Variants in ENPP6 observed in about 807,000 individuals in gnomAD.
The protein encoded by ENPP6 is glycerophosphocholine cholinephosphodiesterase ENPP6.
ENPP6 carries 32 observed loss-of-function variants against 42.0 expected under a neutral mutation model. That is an observed-to-expected ratio of 0.76 (90% CI 0.58 to 1.02). ENPP6 has a LOEUF of 1.02. Ranked by LOEUF, ENPP6 falls within the 50% of genes least tolerant of loss-of-function variation. The pLI, the probability that ENPP6 is intolerant of heterozygous loss-of-function variation, is 0.00. For synonymous variants in ENPP6, 213 were observed against 216.0 expected (o/e 0.99, Z 0.12); for missense variants, 552 against 566.8 (o/e 0.97, Z 0.27).
chr4:184,131,165 CTTTCTT>C (rs1442500753), intron 2 of ENPP6, among the ~76,000 whole-genome samples: 3 of 55,466 alleles, frequency 5.4e-5, no homozygotes, highest in African/African-American at 2.5e-4. Flanking sequence ...TTCTTTCTTT[CTTTCTT>C]TCTTTCTTTC....
chr4:184,205,168 A>G (rs1173402093), intron 1 of ENPP6, among the ~76,000 whole-genome samples: 1 of 152,112 alleles, frequency 6.6e-6, no homozygotes, highest in African/African-American at 2.4e-5. Context: ...CCTGACCTCA[A>G]ATGATCCACC....
intron 2 of ENPP6, among the ~76,000 whole-genome samples, chr4:184,145,221 G>C (rs1212357001): frequency 6.6e-6 from 1 of 152,230 alleles, no homozygotes; most frequent in East Asian, 1.9e-4. Flanking sequence ...GGGAACGTCA[G>C]TCCTTCCCGA....
chr4:184,120,873 G>A (rs1736404356), intron 3 of ENPP6, among the ~76,000 whole-genome samples: 1 of 152,168 alleles, frequency 6.6e-6, no homozygotes, highest in Non-Finnish European at 1.5e-5. Context: ...GGTGTGAGCT[G>A]GCAGAGATCA....
chr4:184,174,855 C>T (rs1357687952), intron 1 of ENPP6, among the ~76,000 whole-genome samples: 1 of 152,192 alleles, frequency 6.6e-6, no homozygotes, highest in Non-Finnish European at 1.5e-5. Flanking sequence ...TTGGGGACTC[C>T]CAGTTTCTTT....
intron 6 of ENPP6, among the ~76,000 whole-genome samples, chr4:184,111,709 G>T (rs1236587832): frequency 6.6e-6 from 1 of 152,186 alleles, no homozygotes; most frequent in Non-Finnish European, 1.5e-5. Context: ...CTGTCTGAGA[G>T]CACCCAGAAG....
intron 6 of ENPP6, among the ~76,000 whole-genome samples, chr4:184,103,172 G>T (rs1305156147): frequency 2.6e-5 from 4 of 152,256 alleles, no homozygotes; most frequent in Non-Finnish European, 5.9e-5. Context: ...CCCTCCAGCT[G>T]CTCCAACAGG....
At chr4:184,201,819 A>G (rs756198596) in intron 1 of ENPP6, among the ~76,000 whole-genome samples, 5 of 152,008 alleles carry the variant, frequency 3.3e-5, no homozygotes, top group Non-Finnish European at 7.3e-5. Flanking sequence ...CTCGCCTACC[A>G]TGCCTGCTTC....
At chr4:184,110,243 T>G (rs1304900459) in intron 6 of ENPP6, among the ~76,000 whole-genome samples, 1 of 152,174 alleles carries the variant, frequency 6.6e-6, no homozygotes, top group Non-Finnish European at 1.5e-5. Context: ...ACTTTTGTCC[T>G]GTGATTGGGA....
At chr4:184,163,801 T>A (rs1195755790) in intron 1 of ENPP6, among the ~76,000 whole-genome samples, 1 of 152,188 alleles carries the variant, frequency 6.6e-6, no homozygotes, top group East Asian at 1.9e-4. Flanking sequence ...CTACCAGAGA[T>A]CAAAACAGCT....
chr4:184,100,810 G>A (rs891747872), intron 6 of ENPP6, among the ~76,000 whole-genome samples: 2 of 152,234 alleles, frequency 1.3e-5, no homozygotes, highest in African/African-American at 4.8e-5. Flanking sequence ...ATGATTTCAG[G>A]GCCGGTTTAT....
Position 184,156,618 on chromosome 4 carries a change from C to T in ENPP6, c.242-2885G>A, listed in dbSNP as rs542995852. On this transcript the variant is annotated intron_variant, in intron 1 of 7. Transcript: ENST00000296741. ...ACTTTCCTGACATCCTCCAACACCACAATTGCAAGTGGTTTTCAGGTATGA... is the reference window on the plus strand; with the variant it reads ...ACTTTCCTGACATCCTCCAACACCATAATTGCAAGTGGTTTTCAGGTATGA... Among the ~76,000 whole-genome samples the T allele has an allele frequency of 3.9e-5, 6 of 152,314 alleles. No homozygotes were observed. The South Asian group carries it at 8.3e-4, about 21-fold the overall frequency.
At chr4:184,165,192 T>C (rs1404953786) in intron 1 of ENPP6, among the ~76,000 whole-genome samples, 1 of 152,158 alleles carries the variant, frequency 6.6e-6, no homozygotes, top group Admixed American at 6.5e-5. Flanking sequence ...TACTGATCAG[T>C]TTAATTATAA....
At chr4:184,114,976 G>A (rs1442690263) in intron 5 of ENPP6, among the ~76,000 whole-genome samples, 1 of 152,058 alleles carries the variant, frequency 6.6e-6, no homozygotes, top group African/African-American at 2.4e-5. Context: ...TGGCATTCTG[G>A]GCATCTGTGT....
chr4:184,124,112 T>G, intron 3 of ENPP6, 49 bp downstream of exon 3: 2 of 1,428,868 alleles, frequency 1.4e-6, no homozygotes, highest in Non-Finnish European at 2.0e-6. Flanking sequence ...CCATGATCAG[T>G]CCTGGAAACA....
chr4:184,091,090 A>G lies in ENPP6; in HGVS notation c.*87T>C, dbSNP rs1471383859. On this transcript the variant is annotated 3_prime_UTR_variant, in exon 8 of 8. Transcript: ENST00000296741. Reference sequence around the variant, plus strand: ...TGGTCTTGATTGTGTTAATGAAGCTATTATTCACACATAAAATGAAAATCA... The same window carrying G: ...TGGTCTTGATTGTGTTAATGAAGCTGTTATTCACACATAAAATGAAAATCA... 2.4e-6 allele frequency: 3 copies of G among 1,228,170 alleles called. No homozygotes were observed. The highest frequency in any genetic ancestry group is 4.8e-5 in the East Asian group (2 of 41,344). The allele number at this position is 1,228,170 out of a possible 1,614,324, so 76.1% of individuals were successfully genotyped here.
chr4:184,094,892 C>T (rs1472009150), intron 7 of ENPP6, among the ~76,000 whole-genome samples: 1 of 152,238 alleles, frequency 6.6e-6, no homozygotes, highest in Non-Finnish European at 1.5e-5. Flanking sequence ...TTTCTCTTTG[C>T]TGGACCAGAC....
At chr4:184,097,510 G>A (rs1690443078) in intron 6 of ENPP6, 142 bp from the exon 7 acceptor site, 20 of 1,217,566 alleles carry the variant, frequency 1.6e-5, no homozygotes, top group Non-Finnish European at 2.3e-5. Flanking sequence ...CCTCCGCTGC[G>A]GCACTTCCTG....
chr4:184,111,655 C>T (rs1417598118), intron 6 of ENPP6, among the ~76,000 whole-genome samples: 2 of 152,248 alleles, frequency 1.3e-5, no homozygotes, highest in African/African-American at 4.8e-5. Flanking sequence ...CACCCCTAAC[C>T]GAATCTGCTC....
rs796705919 is a variant in ENPP6, at chr4:184,089,339, G to A, written c.*1838C>T. 9.2e-5 allele frequency: 14 copies of A among 152,304 alleles called. No individual in the cohort carries two copies. Among genetic ancestry groups the A allele is most frequent in the African/African-American group, 3.1e-4 (13 of 41,566 alleles). 9.4% of individuals were successfully genotyped at this position (152,304 alleles called of 1,614,324 possible). The stretch of plus-strand genomic sequence containing the variant: ...CCAGCTTTCCTGAATCAAGGTGAAC[G>A]TTGATATTCAGTTTTCAAGGTAACA... On this transcript the variant is annotated 3_prime_UTR_variant, in exon 8 of 8. Transcript: ENST00000296741.
Sources: allele counts gnomAD v4.1 joint callset (sites outside exome capture counted in the v4.1 genomes callset), GRCh38; gene constraint gnomAD v4.1.1; transcripts MANE v1.5; gene names NCBI Gene and HGNC (gene_info 2026-07-23, HGNC 2026-07-21).